PLCD4: variants seen among roughly 807,000 people sequenced by gnomAD.
PLCD4 encodes 1-phosphatidylinositol 4,5-bisphosphate phosphodiesterase delta-4.
In PLCD4, 63 loss-of-function variants were observed where a neutral mutation model predicts 90.2. That is an observed-to-expected ratio of 0.70 (90% confidence interval 0.57 to 0.86). The LOEUF is 0.86. Among genes scored for constraint, PLCD4 ranks in the 40% least tolerant of loss-of-function variants. The pLI, the probability that PLCD4 is intolerant of heterozygous loss-of-function variation, is 0.00. For synonymous variants in PLCD4, 294 were observed against 356.5 expected (o/e 0.82, Z 1.97); for missense variants, 830 against 956.3 (o/e 0.87, Z 1.74).
At chr2:218,633,837 C>T in intron 11 of PLCD4, 76 bp downstream of exon 11, 5 of 1,538,726 alleles carry the variant, frequency 3.2e-6, no homozygotes, top group Non-Finnish European at 4.4e-6. Context: ...CAGGTAAGTC[C>T]CAAGAAAAAA....
chr2:218,619,700 C>T (rs1695786372), intron 4 of PLCD4, among the ~76,000 whole-genome samples: 1 of 151,916 alleles, frequency 6.6e-6, no homozygotes, highest in Non-Finnish European at 1.5e-5. Context: ...TTTGGGAGGC[C>T]AAGGCAGGGA....
chr2:218,626,716 A>G (rs1696134539), intron 6 of PLCD4, among the ~76,000 whole-genome samples: 1 of 152,154 alleles, frequency 6.6e-6, no homozygotes, highest in Non-Finnish European at 1.5e-5. Context: ...ATGGGAGTGT[A>G]GTCTAAGGAG....
intron 4 of PLCD4, among the ~76,000 whole-genome samples, chr2:218,619,951 C>T (rs568266794): frequency 1.3e-5 from 2 of 152,282 alleles, no homozygotes; most frequent in Admixed American, 6.5e-5. Flanking sequence ...GATCTTGGCT[C>T]ACTGCAGCCG....
intron 1 of PLCD4, among the ~76,000 whole-genome samples, chr2:218,615,057 T>A (rs551651490): frequency 6.6e-6 from 1 of 152,014 alleles, no homozygotes; most frequent in Admixed American, 6.6e-5. Context: ...TGAAAACCTG[T>A]CTGTACTAAA....
intron 11 of PLCD4, 148 bp from the exon 12 acceptor site, chr2:218,633,956 TG>T: frequency 8.0e-7 from 1 of 1,247,292 alleles, no homozygotes; most frequent in Non-Finnish European, 1.1e-6. Flanking sequence ...AAAGCTGGTC[TG>T]GATGGACAGA....
intron 9 of PLCD4, among the ~76,000 whole-genome samples, chr2:218,631,411 T>A (rs991294885): frequency 2.0e-5 from 3 of 151,984 alleles, no homozygotes; most frequent in African/African-American, 7.2e-5. Context: ...TGATCCACCC[T>A]CCTCAGCCTC....
At chr2:218,611,959 T>TCAA (rs1348623873) in intron 1 of PLCD4, among the ~76,000 whole-genome samples, 1 of 150,866 alleles carries the variant, frequency 6.6e-6, no homozygotes, top group African/African-American at 2.4e-5. Context: ...AGATGGAGTC[T>TCAA]AGCTCTGTCG....
At chr2:218,636,078 C>T (rs1324784646) in intron 14 of PLCD4, 147 bp downstream of exon 14, 1 of 1,438,650 alleles carries the variant, frequency 7.0e-7, no homozygotes, top group Admixed American at 2.1e-5. Context: ...TGGCTCTTCA[C>T]TTAAAAGCTC....
chr2:218,608,583 A>T (rs1283840370), intron 1 of PLCD4, among the ~76,000 whole-genome samples: 1 of 152,200 alleles, frequency 6.6e-6, no homozygotes, highest in Admixed American at 6.5e-5. Flanking sequence ...CTACGTTGGT[A>T]AGAAAACCTA....
At chr2:218,616,935 GAGA>G (rs1695628793) in intron 3 of PLCD4, among the ~76,000 whole-genome samples, 1 of 12,686 alleles carries the variant, frequency 7.9e-5, no homozygotes, top group African/African-American at 3.1e-4. Context: ...TATAGAGAGA[GAGA>G]GAGAGAGAGA....
At chr2:218,613,725 G>A (rs575849465) in intron 1 of PLCD4, among the ~76,000 whole-genome samples, 1 of 152,016 alleles carries the variant, frequency 6.6e-6, no homozygotes, top group Non-Finnish European at 1.5e-5. Flanking sequence ...TACCACACTC[G>A]GCTAATTTAA....
rs1696547110 is a variant in PLCD4 at position 218,633,933 on chromosome 2, G to A, written c.1606+172G>A. The A allele has an allele frequency of 3.3e-6, 4 of 1,202,248 alleles. No individual in the cohort carries two copies. In the East Asian group the frequency reaches 1.0e-4, roughly 31 times the overall value. 74.5% of individuals were successfully genotyped at this position (1,202,248 alleles called of 1,614,324 possible). A position where few individuals can be genotyped will look rare whatever the true frequency, so the allele number is the denominator to read the frequency against. The stretch of plus-strand genomic sequence containing the variant: ...AGGAGTTATGAATAGTGGCTCAAGG[G>A]TCTAGGGGCAGGAAAGCTGGTCTGG... On this transcript the variant is annotated intron_variant, in intron 11 of 15. Coordinates refer to ENST00000450993, the MANE Select transcript of PLCD4 (RefSeq NM_032726.4).
chr2:218,616,809 T>C (rs1474046229), intron 3 of PLCD4, among the ~76,000 whole-genome samples: 1 of 146,978 alleles, frequency 6.8e-6, no homozygotes, highest in Non-Finnish European at 1.5e-5. Flanking sequence ...ACCTGCTTAG[T>C]AGGCTACAAG....
rs1362273795 is a variant in PLCD4, at chr2:218,634,588, G to C, written c.1854G>C (p.Glu618Asp). ...LRDIQSSFHP[E>D]KPISPFKAQT... ...ATATCCAGAGTTCTTTCCACCCTGA[G>C]AAGCCCATCAGCCCTTTCAAAGCCC... Residue 618 changes from glutamate to aspartate, a missense_variant, in exon 13 of 16, where the codon GAG becomes GAC. Coordinates refer to ENST00000450993, the MANE Select transcript of PLCD4 (RefSeq NM_032726.4). The surrounding 1 kb of genome is among the most constrained non-coding windows in gnomAD (Gnocchi z 4.0). 6.2e-7 allele frequency: 1 copy of C among 1,614,062 alleles called. No individual in the cohort carries two copies. Among genetic ancestry groups the C allele is most frequent in the Admixed American group, 1.7e-5 (1 of 60,020 alleles).
At chr2:218,629,701 A>C in intron 8 of PLCD4, 38 bp downstream of exon 8, 1 of 1,596,152 alleles carries the variant, frequency 6.3e-7, no homozygotes, top group Non-Finnish European at 8.6e-7. Flanking sequence ...TGAGGCCAGA[A>C]GGTCTGAGGG....
Position 218,618,732 on chromosome 2 carries a change from C to G in PLCD4, c.335C>G (p.Ala112Gly), listed in dbSNP as rs781037126. ...CTGATGGCCAACAGTGTTGAGGAGGCCCAGATATGGATGCGAGGGCTCCAG... is the reference window on the plus strand; with the variant it reads ...CTGATGGCCAACAGTGTTGAGGAGGGCCAGATATGGATGCGAGGGCTCCAG... Reference protein sequence around the residue: ...LDLMANSVEEAQIWMRGLQLL... With the variant: ...LDLMANSVEEGQIWMRGLQLL... Residue 112 changes from alanine (A) to glycine (G), a missense_variant, in exon 4 of 16, where the codon GCC becomes GGC. Transcript: ENST00000450993. 35 of 1,612,368 alleles carry G rather than the reference C, an allele frequency of 2.2e-5. No homozygotes were observed. Among genetic ancestry groups the G allele is most frequent in the Non-Finnish European group, 2.9e-5 (34 of 1,179,322 alleles).
chr2:218,634,326 G>A lies in PLCD4; in HGVS notation c.1723+105G>A, dbSNP rs570489036. 3 of 1,569,434 alleles carry A rather than the reference G, an allele frequency of 1.9e-6. No homozygotes were observed. In the African/African-American group the frequency reaches 4.0e-5, roughly 21 times the overall value. On this transcript the variant is annotated intron_variant, in intron 12 of 15. Transcript: ENST00000450993. The surrounding 1 kb of genome is among the most constrained non-coding windows in gnomAD (Gnocchi z 4.0). Reference sequence around the variant, plus strand: ...GGGGAATGCTCAAGAAAATTGCTAGGCTGAGAAATGCTATCAGTGGATATT... The same window carrying A: ...GGGGAATGCTCAAGAAAATTGCTAGACTGAGAAATGCTATCAGTGGATATT...
intron 1 of PLCD4, chr2:218,609,897 T>C (rs982334429): frequency 6.6e-6 from 1 of 151,312 alleles, no homozygotes; most frequent in African/African-American, 2.4e-5. Context: ...CTGGAAGAGG[T>C]GATGGGGAGA....
chr2:218,615,422 G>C (rs1695532928), intron 1 of PLCD4, among the ~76,000 whole-genome samples: 1 of 152,066 alleles, frequency 6.6e-6, no homozygotes, highest in African/African-American at 2.4e-5. Context: ...GAGAGGGTGG[G>C]GAGTGAGCAA....
Sources: allele counts gnomAD v4.1 joint callset (sites outside exome capture counted in the v4.1 genomes callset), GRCh38; gene constraint gnomAD v4.1.1; non-coding constraint Gnocchi (gnomAD v3.1); transcripts MANE v1.5; gene names NCBI Gene and HGNC (gene_info 2026-07-23, HGNC 2026-07-21).